The following PPP2R3B variants were observed in gnomAD, a reference collection of about 807,000 sequenced individuals.
The protein encoded by PPP2R3B is protein phosphatase 2 regulatory subunit B''beta.
PPP2R3B carries 68 observed loss-of-function variants against 72.9 expected under a neutral mutation model. The observed-to-expected ratio is 0.93, with a 90% confidence interval of 0.77 to 1.14. PPP2R3B has a LOEUF of 1.14. PPP2R3B is among the 50% of genes most tolerant of loss of function. PPP2R3B has a pLI of 0.00. For missense variants in PPP2R3B, 1,018 were observed against 842.0 expected, an observed-to-expected ratio of 1.21 and a Z score of -2.59; for synonymous variants, 466 against 375.8, an observed-to-expected ratio of 1.24 and a Z score of -2.78.
At chrX:361,024 G>T (rs1291405439) in intron 2 of PPP2R3B, among the ~76,000 whole-genome samples, 8 of 152,198 alleles carry the variant, frequency 5.3e-5, no homozygotes, top group Non-Finnish European at 1.2e-4. Flanking sequence ...GGCAGAAAGG[G>T]GCAAGGCCAG....
chrX:374,973 C>G (rs182477066), intron 1 of PPP2R3B, among the ~76,000 whole-genome samples: 180 of 152,276 alleles, frequency 1.2e-3, no homozygotes, highest in African/African-American at 4.2e-3. Flanking sequence ...GTGTCCTAGA[C>G]TTGGAACCAG....
chrX:374,922 C>T (rs2071956398), intron 1 of PPP2R3B, among the ~76,000 whole-genome samples: 1 of 152,160 alleles, frequency 6.6e-6, no homozygotes, highest in Non-Finnish European at 1.5e-5. Context: ...CCCCCGCAAG[C>T]CCCGATCTGT....
rs182902557 is a variant in PPP2R3B at position 334,252 on chromosome X, A to G, written c.*115T>C. On this transcript the variant is annotated 3_prime_UTR_variant, in exon 13 of 13. Transcript: ENST00000390665. ...CAACACGCTTCTGTGAATAAATAAA[A>G]GTTTATCATTCCGTACAAACGCACT... 10 of 1,207,094 alleles carry G rather than the reference A, an allele frequency of 8.3e-6. No homozygotes were observed. The Admixed American group carries it at 2.6e-4, about 31-fold the overall frequency. 74.8% of individuals were successfully genotyped at this position (1,207,094 alleles called of 1,614,324 possible).
At chrX:371,335 C>T (rs372079714) in intron 1 of PPP2R3B, among the ~76,000 whole-genome samples, 12 of 152,304 alleles carry the variant, frequency 7.9e-5, no homozygotes, top group African/African-American at 2.6e-4. Flanking sequence ...GGACCCACGG[C>T]GTGAACGCAT....
intron 1 of PPP2R3B, among the ~76,000 whole-genome samples, chrX:378,554 C>T (rs1050782782): frequency 1.3e-5 from 2 of 152,198 alleles, no homozygotes; most frequent in African/African-American, 4.8e-5. Flanking sequence ...CCTGTCCTCA[C>T]CCTGCAGGTG....
At chrX:340,331 G>C (rs2071025588) in intron 10 of PPP2R3B, among the ~76,000 whole-genome samples, 1 of 151,362 alleles carries the variant, frequency 6.6e-6, no homozygotes, top group Admixed American at 6.6e-5. Flanking sequence ...CCCTCGGGGG[G>C]TGTCGACGCC....
chrX:368,850 A>G, intron 1 of PPP2R3B, among the ~76,000 whole-genome samples: 1 of 132,316 alleles, frequency 7.6e-6, no homozygotes, highest in South Asian at 2.5e-4. Context: ...CACCTTGGGC[A>G]CCGACCGGGG....
intron 1 of PPP2R3B, among the ~76,000 whole-genome samples, chrX:384,596 T>C (rs992739567): frequency 6.6e-6 from 1 of 151,940 alleles, no homozygotes; most frequent in Non-Finnish European, 1.5e-5. Flanking sequence ...GCCTGACCAA[T>C]ATAAACAATA....
chrX:341,009 G>A (rs1284658860), intron 9 of PPP2R3B, 69 bp from the exon 10 acceptor site: 7 of 1,571,632 alleles, frequency 4.5e-6, no homozygotes, highest in Non-Finnish European at 6.1e-6. Context: ...AGCCCCTGAG[G>A]CAGCCCCCAC....
At chrX:384,997 A>C (rs1048564040) in intron 1 of PPP2R3B, among the ~76,000 whole-genome samples, 2 of 151,236 alleles carry the variant, frequency 1.3e-5, no homozygotes, top group Non-Finnish European at 3.0e-5. Context: ...AAAAAAAAAA[A>C]AAAAAAAAAC....
At position 338,886 on chromosome X, in the gene PPP2R3B, C is replaced by A. The variant is rs764312763; in HGVS notation, c.1362G>T (p.Thr454=). The A allele has an allele frequency of 6.2e-7, 1 of 1,612,266 alleles. No homozygotes were observed. ...LVKPRTEGKI[T]LQDLKRCKLA... ...GCTTGCAGCGCTTCAGGTCCTGCAGCGTGATCTTCCCTGCGGGGAGGGGAG... is the reference window on the plus strand; with the variant it reads ...GCTTGCAGCGCTTCAGGTCCTGCAGAGTGATCTTCCCTGCGGGGAGGGGAG... The change falls in exon 11 of 13, where the codon ACG becomes ACT. Residue 454 remains threonine, a synonymous_variant. Coordinates refer to ENST00000390665, the MANE Select transcript of PPP2R3B (RefSeq NM_013239.5).
At chrX:364,211 C>G (rs1364730988) in intron 1 of PPP2R3B, among the ~76,000 whole-genome samples, 1 of 152,162 alleles carries the variant, frequency 6.6e-6, no homozygotes, top group Non-Finnish European at 1.5e-5. Flanking sequence ...GAATGAGCTC[C>G]AAGTAAATCC....
At position 341,376 on chromosome X, in the gene PPP2R3B, T is replaced by TC. The variant is rs1391165308; in HGVS notation, c.1105dup (p.Glu369GlyfsTer16). The TC allele has an allele frequency of 6.2e-7, 1 of 1,612,584 alleles. No homozygotes were observed. Among genetic ancestry groups the TC allele is most frequent in the Non-Finnish European group, 8.5e-7 (1 of 1,179,734 alleles). ...AAAGTCGGCATAGCTGATCTTCCCTTCCTTCTGCACTTTTCTGCCTCTAGA... is the reference window on the plus strand; with the variant it reads ...AAAGTCGGCATAGCTGATCTTCCCTTCCCTTCTGCACTTTTCTGCCTCTAGA... On this transcript the variant is annotated frameshift_variant, in exon 9 of 13. Transcript: ENST00000390665. LOFTEE classifies it high-confidence loss of function.
chrX:339,098 G>A (rs1188402794), intron 10 of PPP2R3B, among the ~76,000 whole-genome samples: 4 of 151,686 alleles, frequency 2.6e-5, no homozygotes, highest in Admixed American at 6.5e-5. Flanking sequence ...GCCGTGATGC[G>A]GAGGCGACTA....
intron 1 of PPP2R3B, among the ~76,000 whole-genome samples, chrX:375,742 AC>A (rs1164230085): frequency 6.6e-6 from 1 of 151,632 alleles, no homozygotes; most frequent in Non-Finnish European, 1.5e-5. Context: ...CAAAGATCAA[AC>A]CCAAAATGCG....
intron 2 of PPP2R3B, among the ~76,000 whole-genome samples, chrX:354,486 C>T (rs1334517866): frequency 3.9e-5 from 6 of 152,264 alleles, no homozygotes; most frequent in Non-Finnish European, 8.8e-5. Flanking sequence ...CCTCACTGCC[C>T]TCTCAATACA....
intron 2 of PPP2R3B, among the ~76,000 whole-genome samples, chrX:349,270 C>T (rs964976115): frequency 3.9e-5 from 6 of 152,056 alleles, no homozygotes; most frequent in African/African-American, 1.2e-4. Context: ...GGGAAGGCGC[C>T]GTCGATGAAC....
intron 1 of PPP2R3B, among the ~76,000 whole-genome samples, chrX:382,835 G>A (rs1022142569): frequency 1.3e-5 from 2 of 152,044 alleles, no homozygotes; most frequent in African/African-American, 2.4e-5. Flanking sequence ...TTACCTTAGC[G>A]TCTGGCTGTC....
chrX:374,387 GC>G (rs2071944781), intron 1 of PPP2R3B, among the ~76,000 whole-genome samples: 2 of 152,234 alleles, frequency 1.3e-5, no homozygotes, highest in Non-Finnish European at 2.9e-5. Flanking sequence ...CGGCATCTCC[GC>G]CCCTCCCCAA....
Sources: allele counts gnomAD v4.1 joint callset (sites outside exome capture counted in the v4.1 genomes callset), GRCh38; gene constraint gnomAD v4.1.1; transcripts MANE v1.5; gene names NCBI Gene and HGNC (gene_info 2026-07-23, HGNC 2026-07-21).